NUMB: variants seen among roughly 807,000 people sequenced by gnomAD.
NUMB encodes the protein protein numb homolog.
In NUMB, 29 loss-of-function variants were observed where a neutral mutation model predicts 59.7. The ratio of observed to expected loss-of-function variants is 0.49; its 90% CI spans 0.36 to 0.66. The LOEUF is 0.66. NUMB is among the 30% of genes least tolerant of loss of function. The pLI is 0.00. For synonymous variants in NUMB, 288 were observed against 288.2 expected (o/e 1.00, Z 0.01); for missense variants, 723 against 822.0 (o/e 0.88, Z 1.47).
chr14:73,370,579 C>A (rs769438125), intron 2 of NUMB, among the ~76,000 whole-genome samples: 2 of 152,110 alleles, frequency 1.3e-5, no homozygotes, highest in Non-Finnish European at 2.9e-5. Flanking sequence ...GTAATCCCAG[C>A]TACTCAGGAG....
intron 1 of NUMB, among the ~76,000 whole-genome samples, chr14:73,452,359 T>C (rs911689074): frequency 6.6e-6 from 1 of 151,786 alleles, no homozygotes; most frequent in Non-Finnish European, 1.5e-5. Context: ...AAACTCTGTC[T>C]CAAAAACAAA....
intron 2 of NUMB, among the ~76,000 whole-genome samples, chr14:73,395,620 G>A (rs1003009840): frequency 7.9e-5 from 12 of 152,002 alleles, no homozygotes; most frequent in Admixed American, 2.0e-4. Context: ...GACTCTGTCT[G>A]TAAAATAATA....
intron 2 of NUMB, among the ~76,000 whole-genome samples, chr14:73,379,074 C>A (rs1895105799): frequency 1.3e-5 from 2 of 152,144 alleles, no homozygotes; most frequent in South Asian, 4.1e-4. Context: ...AAAGAGGCGG[C>A]TAAAAAGACC....
rs796394092 is a variant in NUMB, at chr14:73,350,682, C to T, written c.126+4944G>A. On this transcript the variant is annotated intron_variant, in intron 4 of 12. Transcript: ENST00000555238. ...GTGTAGCTCAGATGACAGGTGTGTA[C>T]TACCACATCTAGCTTTTTTTTTTTT... 1.1e-4 allele frequency among the ~76,000 whole-genome samples: 15 copies of T among 141,644 alleles called. 1 individual carries two copies. The highest frequency in any genetic ancestry group is 4.0e-4 in the African/African-American group (15 of 37,494). 92.9% of individuals were successfully genotyped at this position (141,644 alleles called of 152,430 possible).
chr14:73,342,243 A>G (rs980254620), intron 4 of NUMB, among the ~76,000 whole-genome samples: 2 of 152,196 alleles, frequency 1.3e-5, no homozygotes, highest in Non-Finnish European at 2.9e-5. Flanking sequence ...GCAAATTATG[A>G]TGTTTGCCAG....
intron 2 of NUMB, among the ~76,000 whole-genome samples, chr14:73,370,401 G>C (rs1352764421): frequency 6.6e-6 from 1 of 152,140 alleles, no homozygotes; most frequent in Non-Finnish European, 1.5e-5. Context: ...AAAAAAGTCA[G>C]TTTCTTCTCG....
chr14:73,362,256 CA>C (rs375674566), intron 3 of NUMB, among the ~76,000 whole-genome samples: 17 of 144,916 alleles, frequency 1.2e-4, no homozygotes, highest in South Asian at 2.2e-4. Context: ...TACCTTGTCT[CA>C]AAAAAAAAAT....
intron 3 of NUMB, among the ~76,000 whole-genome samples, chr14:73,360,794 A>G (rs1266592732): frequency 6.6e-6 from 1 of 152,006 alleles, no homozygotes; most frequent in African/African-American, 2.4e-5. Flanking sequence ...TCTAAATACC[A>G]TCCTCTATAA....
chr14:73,280,819 G>C (rs568301522), intron 11 of NUMB, among the ~76,000 whole-genome samples: 2 of 147,912 alleles, frequency 1.4e-5, no homozygotes, highest in African/African-American at 2.5e-5. Flanking sequence ...TCAGCCTCCC[G>C]AGTAGCTGAG....
intron 4 of NUMB, among the ~76,000 whole-genome samples, chr14:73,324,032 T>C (rs1891538205): frequency 6.6e-6 from 1 of 152,180 alleles, no homozygotes; most frequent in Non-Finnish European, 1.5e-5. Flanking sequence ...CTCTCTTATC[T>C]GCCCAAAGAT....
chr14:73,445,944 C>G (rs909724057), intron 1 of NUMB, among the ~76,000 whole-genome samples: 4 of 149,908 alleles, frequency 2.7e-5, no homozygotes, highest in Admixed American at 6.7e-5. Flanking sequence ...GTCCTGACTG[C>G]AAAAAATTAA....
At chr14:73,371,186 G>T (rs1241126287) in intron 2 of NUMB, among the ~76,000 whole-genome samples, 2 of 152,158 alleles carry the variant, frequency 1.3e-5, no homozygotes, top group East Asian at 3.9e-4. Context: ...CTAGGAACAA[G>T]AATATTTGCT....
chr14:73,294,103 C>T (rs1185754528), intron 7 of NUMB, among the ~76,000 whole-genome samples: 1 of 152,114 alleles, frequency 6.6e-6, no homozygotes, highest in Non-Finnish European at 1.5e-5. Context: ...GAATGGATTC[C>T]GTTACATTCC....
At chr14:73,419,386 T>C (rs2090598056) in intron 1 of NUMB, among the ~76,000 whole-genome samples, 1 of 152,098 alleles carries the variant, frequency 6.6e-6, no homozygotes, top group Non-Finnish European at 1.5e-5. Context: ...GGCGGGCGCC[T>C]GTAGTCCCAG....
chr14:73,407,906 T>G (rs1278834111), intron 2 of NUMB, among the ~76,000 whole-genome samples: 1 of 152,116 alleles, frequency 6.6e-6, no homozygotes, highest in South Asian at 2.1e-4. Context: ...AACAAAATAC[T>G]CTGTAACTTT....
intron 9 of NUMB, chr14:73,285,455 G>T (rs2139812254): frequency 6.6e-6 from 1 of 152,128 alleles, no homozygotes; most frequent in South Asian, 2.1e-4. Context: ...AAATTTTCTA[G>T]TACAGATAGC....
At chr14:73,360,975 A>AC (rs2140033317) in intron 3 of NUMB, among the ~76,000 whole-genome samples, 1 of 151,972 alleles carries the variant, frequency 6.6e-6, no homozygotes, top group Admixed American at 6.6e-5. Flanking sequence ...TGCAGCCTCA[A>AC]CCTCCCGGGC....
At position 73,343,350 on chromosome 14, in the gene NUMB, A is replaced by T. The variant is rs371613519; in HGVS notation, c.126+12276T>A. On this transcript the variant is annotated intron_variant, in intron 4 of 12. Coordinates refer to ENST00000555238, the MANE Select transcript of NUMB (RefSeq NM_001005743.2). Reference sequence around the variant, plus strand: ...GGAAAAAAAGATAAGGACCTGATTAAAGTAGTGGCAGTAGGAAAATGAACA... The same window carrying T: ...GGAAAAAAAGATAAGGACCTGATTATAGTAGTGGCAGTAGGAAAATGAACA... 8.6e-4 allele frequency among the ~76,000 whole-genome samples: 131 copies of T among 152,318 alleles called. 3 individuals carry two copies. In the South Asian group the frequency reaches 0.027, roughly 32 times the overall value.
intron 1 of NUMB, among the ~76,000 whole-genome samples, chr14:73,456,534 T>G (rs1396995151): frequency 6.6e-6 from 1 of 152,248 alleles, no homozygotes; most frequent in Non-Finnish European, 1.5e-5. Context: ...AACAATACTT[T>G]TCCTTACCAA....
Sources: gnomAD v4.1 joint callset for allele counts (sites outside exome capture counted in the v4.1 genomes callset) on GRCh38, gnomAD v4.1.1 for gene constraint, MANE v1.5 for transcripts, NCBI Gene and HGNC (gene_info 2026-07-23, HGNC 2026-07-21) for gene names.